Variants in SPINK1 observed in about 807,000 individuals in gnomAD.
SPINK1 encodes serine peptidase inhibitor Kazal type 1, also known as serine protease inhibitor Kazal-type 1.
Under a neutral mutation model 9.5 loss-of-function variants are expected in SPINK1, and 5 were observed. The ratio of observed to expected loss-of-function variants is 0.52; its 90% confidence interval spans 0.27 to 1.10. The LOEUF is 1.10. SPINK1 is among the 50% of genes least tolerant of loss of function. The probability of loss-of-function intolerance (pLI) is 0.11; values close to 1 mark genes in which losing one functional copy is unlikely to be tolerated. For synonymous variants in SPINK1, 37 were observed against 32.3 expected (o/e 1.14, Z -0.49); for missense variants, 88 against 92.7 (o/e 0.95, Z 0.21).
At chr5:147,828,274 C>G (rs1158703114) in intron 2 of SPINK1, 146 bp from the exon 3 acceptor site, 2 of 748,944 alleles carry the variant, frequency 2.7e-6, no homozygotes, top group Non-Finnish European at 4.6e-6. Flanking sequence ...AACCTACTAT[C>G]TGGAGACAGA....
chr5:147,824,771 G>T, intron 3 of SPINK1, 65 bp from the exon 4 acceptor site: 1 of 1,420,916 alleles, frequency 7.0e-7, no homozygotes, highest in Non-Finnish European at 9.9e-7. Context: ...GACTATGGGA[G>T]AAAAACAGGG....
chr5:147,838,533 T>A, the SPINK1 span, among the ~76,000 whole-genome samples: 1 of 152,236 alleles, frequency 6.6e-6, no homozygotes, highest in Non-Finnish European at 1.5e-5. Context: ...CTTTTCTAGA[T>A]GTGTTGTATA....
At chr5:147,836,490 C>A (rs1420946624), upstream of SPINK1, among the ~76,000 whole-genome samples, 1 of 152,082 alleles carries the variant, frequency 6.6e-6, no homozygotes, top group African/African-American at 2.4e-5. Context: ...TCTAATTTTT[C>A]ATTTTTCTTA....
At chr5:147,838,772 A>G in the SPINK1 span, among the ~76,000 whole-genome samples, 1 of 152,138 alleles carries the variant, frequency 6.6e-6, no homozygotes, top group Admixed American at 6.6e-5. Context: ...GATCTAATCC[A>G]TCATCAACTT....
chr5:147,828,810 C>T (rs1239712827), intron 2 of SPINK1, among the ~76,000 whole-genome samples: 3 of 152,148 alleles, frequency 2.0e-5, no homozygotes, highest in Non-Finnish European at 4.4e-5. Context: ...ATTCAGAATT[C>T]AAACCTAGTC....
At chr5:147,830,499 G>C (rs1417346809) in intron 1 of SPINK1, among the ~76,000 whole-genome samples, 1 of 152,134 alleles carries the variant, frequency 6.6e-6, no homozygotes, top group Middle Eastern at 3.2e-3. Context: ...AAATTAGTGA[G>C]GCATCTATGA....
the SPINK1 span, among the ~76,000 whole-genome samples, chr5:147,837,649 T>TCTTC: frequency 4.7e-5 from 5 of 107,118 alleles, no homozygotes; most frequent in African/African-American, 1.5e-4. Context: ...CATTAACTTC[T>TCTTC]TTTCTTTCTT....
chr5:147,833,634 A>G (rs1232588092), upstream of SPINK1, among the ~76,000 whole-genome samples: 2 of 152,108 alleles, frequency 1.3e-5, no homozygotes, highest in African/African-American at 4.8e-5. Context: ...TTCCACTGTC[A>G]TATCTAAGAC....
chr5:147,829,866 G>T (rs992047804), intron 1 of SPINK1, among the ~76,000 whole-genome samples: 6 of 152,086 alleles, frequency 3.9e-5, no homozygotes, highest in African/African-American at 1.4e-4. Context: ...AAAGTATCTC[G>T]ATTTGATGTT....
chr5:147,828,335 G>A (rs545045167), intron 2 of SPINK1, among the ~76,000 whole-genome samples: 13 of 152,328 alleles, frequency 8.5e-5, no homozygotes, highest in African/African-American at 3.1e-4. Context: ...TGTGACATTA[G>A]TAAGTCCTAT....
At chr5:147,824,818 T>C (rs1756371340) in intron 3 of SPINK1, 112 bp from the exon 4 acceptor site, 1 of 933,330 alleles carries the variant, frequency 1.1e-6, no homozygotes, top group Non-Finnish European at 1.7e-6. Context: ...TGGAGAGGTT[T>C]GAGATTTATA....
chr5:147,835,094 C>G (rs928083411), upstream of SPINK1, among the ~76,000 whole-genome samples: 2 of 151,922 alleles, frequency 1.3e-5, no homozygotes, highest in Admixed American at 1.3e-4. Flanking sequence ...TAGGGAATGG[C>G]CCTTTGCAGA....
At chr5:147,824,823 T>G (rs1756371615) in intron 3 of SPINK1, 117 bp from the exon 4 acceptor site, 2 of 866,430 alleles carry the variant, frequency 2.3e-6, no homozygotes, top group African/African-American at 3.4e-5. Flanking sequence ...AGGTTTGAGA[T>G]TTATAATCTT....
chr5:147,828,224 CTG>C, intron 2 of SPINK1, 96 bp from the exon 3 acceptor site: 1 of 929,088 alleles, frequency 1.1e-6, no homozygotes, highest in Non-Finnish European at 1.7e-6. Flanking sequence ...TGGGGAATAA[CTG>C]TGATTGGGAG....
the SPINK1 span, among the ~76,000 whole-genome samples, chr5:147,838,294 G>A: frequency 2.6e-5 from 4 of 152,304 alleles, no homozygotes; most frequent in East Asian, 7.7e-4. Context: ...GTAGCTAAAG[G>A]TAGTAGTGTA....
chr5:147,838,596 G>A, the SPINK1 span, among the ~76,000 whole-genome samples: 30 of 152,160 alleles, frequency 2.0e-4, no homozygotes, highest in African/African-American at 7.0e-4. Flanking sequence ...TCCATATAAT[G>A]CCCTGATATC....
At chr5:147,837,705 C>A in the SPINK1 span, among the ~76,000 whole-genome samples, 57 of 130,080 alleles carry the variant, frequency 4.4e-4, no homozygotes, top group Non-Finnish European at 7.8e-4. Context: ...TTCTTTCTTT[C>A]TTTCTTTCTT....
At chr5:147,837,783 CCT>C in the SPINK1 span, among the ~76,000 whole-genome samples, 2 of 150,504 alleles carry the variant, frequency 1.3e-5, no homozygotes, top group African/African-American at 2.4e-5. Flanking sequence ...CTTACTGCAA[CCT>C]CTGTCTTCCG....
At chr5:147,834,400 C>T (rs540964502), upstream of SPINK1, among the ~76,000 whole-genome samples, 135 of 152,122 alleles carry the variant, frequency 8.9e-4, no homozygotes, top group Non-Finnish European at 1.5e-3. Flanking sequence ...TTCATCAAGT[C>T]CTTACTATAC....
Sources: allele counts gnomAD v4.1 joint callset (sites outside exome capture counted in the v4.1 genomes callset), GRCh38; gene constraint gnomAD v4.1.1; transcripts MANE v1.5; gene names NCBI Gene and HGNC (gene_info 2026-07-23, HGNC 2026-07-21).